SULT2B1: variants seen among roughly 807,000 people sequenced by gnomAD.
SULT2B1 encodes sulfotransferase 2B1.
In SULT2B1, 16 loss-of-function variants were observed where a neutral mutation model predicts 33.2. That is an observed-to-expected ratio of 0.48 (90% confidence interval 0.33 to 0.73). The LOEUF is 0.73. SULT2B1 is among the 30% of genes least tolerant of loss of function. The pLI is 0.02. For synonymous variants in SULT2B1, 186 were observed against 200.5 expected (o/e 0.93, Z 0.61); for missense variants, 500 against 506.0 (o/e 0.99, Z 0.11).
intron 1 of SULT2B1, among the ~76,000 whole-genome samples, chr19:48,562,864 G>C (rs1255493797): frequency 2.0e-5 from 3 of 151,876 alleles, no homozygotes; most frequent in African/African-American, 4.8e-5. Flanking sequence ...ATTTTTAGTA[G>C]AGATGGGGTT....
intron 2 of SULT2B1, among the ~76,000 whole-genome samples, chr19:48,584,512 A>G (rs933190074): frequency 8.1e-5 from 12 of 148,596 alleles, no homozygotes; most frequent in Admixed American, 4.0e-4. Flanking sequence ...AAATGTTTAC[A>G]GGGTCCAGCT....
At position 48,559,205 on chromosome 19, in the gene SULT2B1, G is replaced by T. The variant is rs575993046; in HGVS notation, c.71+6882G>T. 2.0e-5 allele frequency among the ~76,000 whole-genome samples: 3 copies of T among 152,286 alleles called. No individual in the cohort carries two copies. The South Asian group carries it at 6.2e-4, about 32-fold the overall frequency. On this transcript the variant is annotated intron_variant, in intron 1 of 6. Coordinates refer to ENST00000201586, the MANE Select transcript of SULT2B1 (RefSeq NM_177973.2). ...CCCTGACGAGGGACTCAGCCTTGAA[G>T]AGTGAGGGACAGGATGCGTTTTCCT...
At chr19:48,557,589 AAAAAGGACTT>A (rs1426737431) in intron 1 of SULT2B1, among the ~76,000 whole-genome samples, 3 of 151,902 alleles carry the variant, frequency 2.0e-5, no homozygotes, top group African/African-American at 7.2e-5. Context: ...TCTTGTATGT[AAAAAGGACTT>A]AAAAGGATAA....
At chr19:48,595,933 A>G (rs2665585) in intron 5 of SULT2B1, 126,899 of 152,658 alleles carry the variant, frequency 0.83, 52,990 homozygotes, top group Middle Eastern at 0.88. Flanking sequence ...GGGATTACAG[A>G]CATGAGCCAC....
At chr19:48,576,362 T>TTCTTTC (rs1385088128) in intron 2 of SULT2B1, among the ~76,000 whole-genome samples, 27 of 118,648 alleles carry the variant, frequency 2.3e-4, no homozygotes, top group African/African-American at 3.0e-4. Context: ...TACTTCTCTT[T>TTCTTTC]TTTTTTTTTT....
At chr19:48,582,595 C>A (rs555993583) in intron 2 of SULT2B1, among the ~76,000 whole-genome samples, 1 of 152,246 alleles carries the variant, frequency 6.6e-6, no homozygotes, top group African/African-American at 2.4e-5. Context: ...CACCTGAAAT[C>A]CCAGCACTTT....
chr19:48,596,706 C>T, intron 5 of SULT2B1, 33 bp from the exon 6 acceptor site: 1 of 1,556,866 alleles, frequency 6.4e-7, no homozygotes. Context: ...GCCGAGTGCC[C>T]TCCCTCCGCT....
intron 1 of SULT2B1, among the ~76,000 whole-genome samples, chr19:48,569,646 G>A (rs1973294816): frequency 6.6e-6 from 1 of 151,222 alleles, no homozygotes; most frequent in African/African-American, 2.4e-5. Context: ...TTACAGGCAT[G>A]AGCCACCATG....
chr19:48,561,337 G>A (rs1287187903), intron 1 of SULT2B1, among the ~76,000 whole-genome samples: 1 of 151,750 alleles, frequency 6.6e-6, no homozygotes, highest in Admixed American at 6.6e-5. Flanking sequence ...GCTGAGGCAG[G>A]AGACTCGCTT....
Position 48,583,963 on chromosome 19 carries a change from T to C in SULT2B1, c.215-3266T>C, listed in dbSNP as rs555916110. Among the ~76,000 whole-genome samples, 7 of 152,022 alleles carry C rather than the reference T, an allele frequency of 4.6e-5. No homozygotes were observed. The South Asian group carries it at 1.5e-3, about 32-fold the overall frequency. On this transcript the variant is annotated intron_variant, in intron 2 of 6. Transcript: ENST00000201586. ...CCTGTCTCTACTAAAAATACAAAAATTAGCTGGGCATGCTGGCGTGCGCCT... is the reference window on the plus strand; with the variant it reads ...CCTGTCTCTACTAAAAATACAAAAACTAGCTGGGCATGCTGGCGTGCGCCT...
At chr19:48,584,624 A>T (rs970483199) in intron 2 of SULT2B1, among the ~76,000 whole-genome samples, 1 of 152,176 alleles carries the variant, frequency 6.6e-6, no homozygotes, top group Non-Finnish European at 1.5e-5. Flanking sequence ...CAGTGAATGG[A>T]TTGGATGTGG....
At chr19:48,586,115 G>A (rs963591587) in intron 2 of SULT2B1, among the ~76,000 whole-genome samples, 10 of 152,078 alleles carry the variant, frequency 6.6e-5, no homozygotes, top group Admixed American at 2.6e-4. Context: ...TCAGCTACTC[G>A]GGAGGCTGAG....
chr19:48,555,136 C>T lies in SULT2B1; in HGVS notation c.71+2813C>T, dbSNP rs530252165. Among the ~76,000 whole-genome samples, 9 of 151,616 alleles carry T rather than the reference C, an allele frequency of 5.9e-5. No homozygotes were observed. The East Asian group carries it at 9.8e-4, about 17-fold the overall frequency. ...AGACGGAGTCTCACTCTGTCGCCCA[C>T]GCTGGAGTGCAGTGGCACGATCTCG... On this transcript the variant is annotated intron_variant, in intron 1 of 6. Transcript: ENST00000201586.
intron 1 of SULT2B1, among the ~76,000 whole-genome samples, chr19:48,557,834 G>A (rs1196671003): frequency 6.6e-6 from 1 of 152,042 alleles, no homozygotes; most frequent in Non-Finnish European, 1.5e-5. Flanking sequence ...CAGGAGAATC[G>A]CTTGAACCCA....
At chr19:48,557,950 A>G (rs906282621) in intron 1 of SULT2B1, among the ~76,000 whole-genome samples, 5 of 152,150 alleles carry the variant, frequency 3.3e-5, no homozygotes, top group Non-Finnish European at 7.3e-5. Flanking sequence ...AAAATTAAAA[A>G]AAATAAAATC....
intron 1 of SULT2B1, among the ~76,000 whole-genome samples, chr19:48,553,093 G>A (rs998957000): frequency 6.6e-6 from 1 of 151,930 alleles, no homozygotes; most frequent in Non-Finnish European, 1.5e-5. Context: ...CCTCCCCGTG[G>A]CTCCATCTTT....
intron 3 of SULT2B1, among the ~76,000 whole-genome samples, chr19:48,588,825 A>G (rs976191079): frequency 1.3e-4 from 20 of 152,156 alleles, no homozygotes; most frequent in African/African-American, 4.8e-4. Flanking sequence ...AGGGAAAAGC[A>G]GGTGCAAAGG....
intron 1 of SULT2B1, among the ~76,000 whole-genome samples, chr19:48,571,281 C>G (rs958967550): frequency 8.6e-5 from 13 of 151,922 alleles, no homozygotes; most frequent in Non-Finnish European, 1.8e-4. Context: ...ACTGCAACCT[C>G]TGCCTCCCGG....
At chr19:48,582,054 G>A (rs917954229) in intron 2 of SULT2B1, among the ~76,000 whole-genome samples, 1 of 151,678 alleles carries the variant, frequency 6.6e-6, no homozygotes, top group South Asian at 2.1e-4. Flanking sequence ...ACAGGTGCCC[G>A]CCACCATGCC....
Sources: allele counts gnomAD v4.1 joint callset (sites outside exome capture counted in the v4.1 genomes callset), GRCh38; gene constraint gnomAD v4.1.1; transcripts MANE v1.5; gene names NCBI Gene and HGNC (gene_info 2026-07-23, HGNC 2026-07-21).